The following SUSD4 variants were observed in gnomAD, a reference collection of about 807,000 sequenced individuals.
SUSD4 encodes sushi domain containing 4, also known as sushi domain-containing protein 4.
SUSD4 carries 41 observed loss-of-function variants against 50.5 expected under a neutral mutation model. The observed-to-expected ratio is 0.81, with a 90% CI of 0.63 to 1.05. The LOEUF (loss-of-function observed/expected upper bound fraction) is 1.05, where lower values mean the gene tolerates loss of function less well. Ranked by LOEUF, SUSD4 falls within the 50% of genes least tolerant of loss-of-function variation. The pLI is 0.00. For synonymous variants in SUSD4, 257 were observed against 257.3 expected, an observed-to-expected ratio of 1.00 and a Z score of 0.01; for missense variants, 580 against 634.7, an observed-to-expected ratio of 0.91 and a Z score of 0.93.
intron 3 of SUSD4, among the ~76,000 whole-genome samples, chr1:223,284,618 A>G (rs182096958): frequency 1.3e-5 from 2 of 152,352 alleles, no homozygotes; most frequent in Admixed American, 1.3e-4. Flanking sequence ...GGTATTCAAC[A>G]ATAGATGAAT....
chr1:223,224,665 C>T (rs1287254024), intron 7 of SUSD4, among the ~76,000 whole-genome samples: 16 of 152,072 alleles, frequency 1.1e-4, no homozygotes, highest in Admixed American at 2.0e-4. Context: ...GTCTGCAGGG[C>T]TCCCTCACGT....
chr1:223,324,951 A>G (rs539230113), intron 2 of SUSD4, among the ~76,000 whole-genome samples: 8 of 152,190 alleles, frequency 5.3e-5, no homozygotes, highest in Admixed American at 4.6e-4. Flanking sequence ...TACTCCAGGA[A>G]GGGGTACTTT....
intron 5 of SUSD4, among the ~76,000 whole-genome samples, chr1:223,233,986 C>T (rs1207867890): frequency 2.6e-5 from 4 of 152,224 alleles, no homozygotes; most frequent in Non-Finnish European, 4.4e-5. Context: ...GGTGTGAAGT[C>T]TCTGTTCCTT....
At chr1:223,336,429 C>G (rs1253321075) in intron 2 of SUSD4, among the ~76,000 whole-genome samples, 1 of 152,172 alleles carries the variant, frequency 6.6e-6, no homozygotes, top group Non-Finnish European at 1.5e-5. Flanking sequence ...AAGCAATTAT[C>G]AAGAAACATG....
chr1:223,292,601 A>C lies in SUSD4; in HGVS notation c.199T>G (p.Phe67Val). 6.2e-7 allele frequency: 1 copy of C among 1,614,088 alleles called. No individual in the cohort carries two copies. Among genetic ancestry groups the C allele is most frequent in the Non-Finnish European group, 8.5e-7 (1 of 1,180,000 alleles). Residue 67 changes from phenylalanine (F) to valine (V), a missense_variant, in exon 3 of 9, where the codon TTC becomes GTC. Coordinates refer to ENST00000366878, the MANE Select transcript of SUSD4 (RefSeq NM_017982.4). The stretch of plus-strand genomic sequence containing the variant: ...AAAACCCCTCCGCTGGGGGTCCTGA[A>C]GCCATTCTCGGGAATGCCGGGGTCA... Reference protein sequence around the residue: ...CADPGIPENGFRTPSGGVFFE... With the variant: ...CADPGIPENGVRTPSGGVFFE...
chr1:223,271,120 C>T (rs776231177), intron 3 of SUSD4, among the ~76,000 whole-genome samples: 2 of 152,172 alleles, frequency 1.3e-5, no homozygotes, highest in Non-Finnish European at 2.9e-5. Flanking sequence ...TAAATAGGTA[C>T]TGCGGCAGTA....
intron 2 of SUSD4, among the ~76,000 whole-genome samples, chr1:223,341,374 G>T (rs917091231): frequency 6.6e-6 from 1 of 152,196 alleles, no homozygotes; most frequent in African/African-American, 2.4e-5. Flanking sequence ...GCAAAGCCAC[G>T]GCTGCATCTC....
chr1:223,337,957 C>G (rs1309794368), intron 2 of SUSD4, among the ~76,000 whole-genome samples: 1 of 152,216 alleles, frequency 6.6e-6, no homozygotes, highest in African/African-American at 2.4e-5. Context: ...CTGTTCTACT[C>G]AAGGTTTCTG....
intron 3 of SUSD4, among the ~76,000 whole-genome samples, chr1:223,284,032 G>A (rs1024437092): frequency 6.7e-6 from 1 of 150,158 alleles, no homozygotes; most frequent in African/African-American, 2.4e-5. Context: ...ACTGAACAAT[G>A]AGAACACGTG....
At position 223,231,708 on chromosome 1, in the gene SUSD4, G is replaced by T. The variant is rs185070466; in HGVS notation, c.725-2320C>A. The stretch of plus-strand genomic sequence containing the variant: ...GAGATCCAGGGATGTGGCCGTAAGG[G>T]CTCTTCTCTCCTTGGAGGCCCTCCT... On this transcript the variant is annotated intron_variant, in intron 5 of 8. Transcript: ENST00000366878. The surrounding 1 kb of genome is among the most constrained non-coding windows in gnomAD (Gnocchi z 4.2). 6.6e-6 allele frequency among the ~76,000 whole-genome samples: 1 copy of T among 152,218 alleles called. No homozygotes were observed. Among genetic ancestry groups the T allele is most frequent in the African/African-American group, 2.4e-5 (1 of 41,458 alleles).
chr1:223,316,084 A>C (rs1038681273), intron 2 of SUSD4, among the ~76,000 whole-genome samples: 1 of 152,158 alleles, frequency 6.6e-6, no homozygotes, highest in Non-Finnish European at 1.5e-5. Flanking sequence ...CAAAGCCTGC[A>C]AGGAAGGGCA....
At chr1:223,302,565 T>A (rs762732701) in intron 2 of SUSD4, among the ~76,000 whole-genome samples, 1 of 152,136 alleles carries the variant, frequency 6.6e-6, no homozygotes, top group Non-Finnish European at 1.5e-5. Context: ...AAGTTCTACA[T>A]GTTCTGGAGA....
chr1:223,268,515 C>A lies in SUSD4; in HGVS notation c.522G>T (p.Leu174=). The A allele has an allele frequency of 1.9e-6, 3 of 1,613,292 alleles. No homozygotes were observed. Among genetic ancestry groups the A allele is most frequent in the Non-Finnish European group, 2.5e-6 (3 of 1,179,642 alleles). ...TCAGTCCCGTACCTTGACAGATGGG[C>A]AGATTATTCCACGTTCCATCATCGC... ...LCRDDGTWNN[L]PICQGCLRPL... Residue 174 remains leucine, a synonymous_variant, in exon 4 of 9, where the codon CTG becomes CTT. Transcript: ENST00000366878.
intron 3 of SUSD4, among the ~76,000 whole-genome samples, chr1:223,273,663 T>A (rs1294397061): frequency 1.3e-5 from 2 of 152,204 alleles, no homozygotes; most frequent in Admixed American, 1.3e-4. Flanking sequence ...ACTAAGAAGA[T>A]CAGCCACACT....
intron 5 of SUSD4, among the ~76,000 whole-genome samples, chr1:223,230,180 C>T (rs570339992): frequency 6.6e-6 from 1 of 152,078 alleles, no homozygotes; most frequent in Non-Finnish European, 1.5e-5. Flanking sequence ...TTCTAGGTTG[C>T]GAGGTAAGGA....
intron 2 of SUSD4, among the ~76,000 whole-genome samples, chr1:223,341,458 C>G (rs1467862971): frequency 6.6e-6 from 1 of 151,594 alleles, no homozygotes; most frequent in Admixed American, 6.6e-5. Context: ...CTCCCACCCA[C>G]CCCCTCTCTG....
intron 5 of SUSD4, chr1:223,264,410 T>G (rs1662333888): frequency 1.6e-6 from 2 of 1,265,196 alleles, no homozygotes; most frequent in African/African-American, 3.0e-5. Flanking sequence ...TTCTTTTATC[T>G]GCTCTCCTCT....
chr1:223,253,420 G>A (rs1482133616), intron 5 of SUSD4, among the ~76,000 whole-genome samples: 1 of 152,018 alleles, frequency 6.6e-6, no homozygotes, highest in Non-Finnish European at 1.5e-5. Flanking sequence ...GAGACAAAAA[G>A]ATAGGAATAG....
intron 8 of SUSD4, among the ~76,000 whole-genome samples, chr1:223,222,590 A>G (rs1659202582): frequency 2.0e-5 from 3 of 152,324 alleles, no homozygotes; most frequent in Admixed American, 6.5e-5. Flanking sequence ...CCACGTCATT[A>G]CTGCCATTTA....
Sources: gnomAD v4.1 joint callset for allele counts (sites outside exome capture counted in the v4.1 genomes callset) on GRCh38, gnomAD v4.1.1 for gene constraint, Gnocchi (gnomAD v3.1) non-coding constraint, MANE v1.5 for transcripts, NCBI Gene and HGNC (gene_info 2026-07-23, HGNC 2026-07-21) for gene names.